CMIP: variants seen among roughly 807,000 people sequenced by gnomAD.
The protein encoded by CMIP is c-Maf inducing protein.
A neutral mutation model predicts 97.3 loss-of-function variants in CMIP; 13 were observed. The ratio of observed to expected loss-of-function variants is 0.13; its 90% confidence interval spans 0.09 to 0.21. The LOEUF (loss-of-function observed/expected upper bound fraction) is 0.21. Ranked by LOEUF, CMIP falls within the 10% of genes least tolerant of loss-of-function variation. The pLI, the probability that CMIP is intolerant of heterozygous loss-of-function variation, is 1.00. For synonymous variants in CMIP, 538 were observed against 436.3 expected, an observed-to-expected ratio of 1.23 and a Z score of -2.91; for missense variants, 847 against 1,024.9, an observed-to-expected ratio of 0.83 and a Z score of 2.37.
At chr16:81,527,347 G>GCC (rs2090152120) in intron 1 of CMIP, among the ~76,000 whole-genome samples, 1 of 152,028 alleles carries the variant, frequency 6.6e-6, no homozygotes, top group Non-Finnish European at 1.5e-5. Context: ...TGATGGACGG[G>GCC]TAAAGGAATA....
intron 1 of CMIP, among the ~76,000 whole-genome samples, chr16:81,543,459 G>C (rs151253020): frequency 1.8e-4 from 28 of 152,310 alleles, no homozygotes; most frequent in African/African-American, 6.7e-4. Context: ...AGGGCTCCCT[G>C]CTGCGTCCTG....
intron 1 of CMIP, among the ~76,000 whole-genome samples, chr16:81,496,872 A>T (rs1404464080): frequency 6.6e-6 from 1 of 152,266 alleles, no homozygotes; most frequent in East Asian, 1.9e-4. Context: ...TTCAAGAGGG[A>T]GAAGCCAGTG....
At chr16:81,622,649 G>GA (rs1180145736) in intron 3 of CMIP, among the ~76,000 whole-genome samples, 2 of 152,328 alleles carry the variant, frequency 1.3e-5, no homozygotes, top group African/African-American at 4.8e-5. Flanking sequence ...CAGGTTGGGG[G>GA]AAAAATGCCT....
intron 2 of CMIP, chr16:81,611,315 A>G (rs2091827922): frequency 1.3e-5 from 2 of 152,198 alleles, no homozygotes; most frequent in African/African-American, 4.8e-5. Flanking sequence ...CCTGGGGCGA[A>G]TCACGTCAGA....
intron 1 of CMIP, among the ~76,000 whole-genome samples, chr16:81,469,899 C>G (rs917799037): frequency 6.0e-4 from 91 of 152,146 alleles, no homozygotes; most frequent in African/African-American, 2.1e-3. Context: ...ATGAGGAGGG[C>G]CTTCTTTGGG....
At chr16:81,634,096 C>T (rs1210707551) in intron 3 of CMIP, among the ~76,000 whole-genome samples, 1 of 152,210 alleles carries the variant, frequency 6.6e-6, no homozygotes, top group African/African-American at 2.4e-5. Flanking sequence ...AAATGCCAGT[C>T]TTCAGTTTCA....
intron 3 of CMIP, among the ~76,000 whole-genome samples, chr16:81,640,053 G>A (rs1043363613): frequency 1.3e-5 from 2 of 152,150 alleles, no homozygotes; most frequent in Non-Finnish European, 2.9e-5. Flanking sequence ...GACCCTGTGC[G>A]AGCCCCATGC....
At chr16:81,496,748 CT>C (rs1246776398) in intron 1 of CMIP, among the ~76,000 whole-genome samples, 1 of 152,268 alleles carries the variant, frequency 6.6e-6, no homozygotes, top group African/African-American at 2.4e-5. Flanking sequence ...CCCTGGACCC[CT>C]GGGAACACAG....
intron 1 of CMIP, among the ~76,000 whole-genome samples, chr16:81,506,112 C>T (rs753921548): frequency 6.6e-6 from 1 of 152,200 alleles, no homozygotes; most frequent in African/African-American, 2.4e-5. Flanking sequence ...CTCCTGCAAC[C>T]CTAACAGGTG....
At chr16:81,584,205 G>A (rs1324668647) in intron 1 of CMIP, among the ~76,000 whole-genome samples, 1 of 152,204 alleles carries the variant, frequency 6.6e-6, no homozygotes, top group African/African-American at 2.4e-5. Flanking sequence ...GGTTCAGCTT[G>A]CATTGCCATC....
intron 1 of CMIP, among the ~76,000 whole-genome samples, chr16:81,601,509 G>T (rs1485176604): frequency 6.6e-6 from 1 of 152,110 alleles, no homozygotes; most frequent in Non-Finnish European, 1.5e-5. Context: ...GATCTCTGGG[G>T]GTTCACATGG....
rs5818337 is a variant in CMIP at position 81,473,811 on chromosome 16, G to GTT, written c.300+28289_300+28290dup. ...CGTGTTTTACTTGGCCCACACAGTG[G>GTT]TTTTTTTTTTTTTTTTTTTTCTTAA... On this transcript the variant is annotated intron_variant, in intron 1 of 20. Coordinates refer to ENST00000537098, the MANE Select transcript of CMIP (RefSeq NM_198390.3). 5.3e-3 allele frequency among the ~76,000 whole-genome samples: 669 copies of GTT among 127,048 alleles called. 4 individuals carry two copies. The highest frequency in any genetic ancestry group is 0.017 in the African/African-American group (589 of 33,762). The allele number at this position is 127,048 out of a possible 152,430, so 83.3% of individuals were successfully genotyped here.
Position 81,673,449 on chromosome 16 carries a change from G to A in CMIP, c.1034+1379G>A, listed in dbSNP as rs1367971721. On this transcript the variant is annotated intron_variant, in intron 9 of 20. Transcript: ENST00000537098. ...GAGAATAGCTTGAACCTGGGAGGCA[G>A]AGGTTGCAGTGAGCCAAGATCACAC... is the stretch of plus-strand genomic sequence containing the variant. 2.6e-5 allele frequency among the ~76,000 whole-genome samples: 4 copies of A among 152,174 alleles called. No individual in the cohort carries two copies. In the East Asian group the frequency reaches 7.7e-4, roughly 29 times the overall value.
chr16:81,605,933 T>G (rs1041014837), intron 1 of CMIP, among the ~76,000 whole-genome samples: 4 of 152,232 alleles, frequency 2.6e-5, no homozygotes, highest in African/African-American at 9.7e-5. Flanking sequence ...TTGATCAATC[T>G]TTTGTACTTT....
intron 1 of CMIP, among the ~76,000 whole-genome samples, chr16:81,600,487 A>C (rs2091640213): frequency 6.6e-6 from 1 of 152,194 alleles, no homozygotes; most frequent in Non-Finnish European, 1.5e-5. Flanking sequence ...AGCCAGGCAC[A>C]AACAGCCACA....
At chr16:81,531,643 C>G (rs760728335) in intron 1 of CMIP, among the ~76,000 whole-genome samples, 1 of 152,228 alleles carries the variant, frequency 6.6e-6, no homozygotes, top group Non-Finnish European at 1.5e-5. Flanking sequence ...AGGGGCAAGC[C>G]TGGGCCTGCC....
At chr16:81,663,784 C>G (rs758278837) in intron 6 of CMIP, among the ~76,000 whole-genome samples, 1 of 152,152 alleles carries the variant, frequency 6.6e-6, no homozygotes, top group African/African-American at 2.4e-5. Flanking sequence ...ATGCAGGCAC[C>G]TGGGAGGAAA....
chr16:81,522,451 C>T (rs2090046970), intron 1 of CMIP, among the ~76,000 whole-genome samples: 1 of 152,182 alleles, frequency 6.6e-6, no homozygotes, highest in Non-Finnish European at 1.5e-5. Context: ...CCATGGGGTG[C>T]CTGGGCCTGG....
intron 1 of CMIP, among the ~76,000 whole-genome samples, chr16:81,544,629 C>T (rs558225410): frequency 4.0e-4 from 60 of 150,224 alleles, no homozygotes; most frequent in African/African-American, 1.4e-3. Flanking sequence ...TGCATGTGTG[C>T]ATGTGTGTGT....
Sources: allele counts gnomAD v4.1 joint callset (sites outside exome capture counted in the v4.1 genomes callset), GRCh38; gene constraint gnomAD v4.1.1; transcripts MANE v1.5; gene names NCBI Gene and HGNC (gene_info 2026-07-23, HGNC 2026-07-21).